Variants in USP40 observed in about 807,000 individuals in gnomAD.
The protein encoded by USP40 is ubiquitin carboxyl-terminal hydrolase 40.
Under a neutral mutation model 166.2 loss-of-function variants are expected in USP40, and 143 were observed. That is an observed-to-expected ratio of 0.86 (90% confidence interval 0.75 to 0.99). USP40 has a LOEUF of 0.99. Ranked by LOEUF, USP40 falls within the 50% of genes least tolerant of loss-of-function variation. USP40 has a pLI of 0.00. For synonymous variants in USP40, 498 were observed against 524.0 expected, an observed-to-expected ratio of 0.95 and a Z score of 0.68; for missense variants, 1,444 against 1,479.7, an observed-to-expected ratio of 0.98 and a Z score of 0.40.
intron 14 of USP40, 149 bp downstream of exon 14, chr2:233,525,329 C>A (rs1188707371): frequency 2.0e-6 from 1 of 490,722 alleles, no homozygotes; most frequent in Non-Finnish European, 3.6e-6. Context: ...TATTTTATTT[C>A]TTTTGGAAAA....
At chr2:233,518,566 CAA>C (rs61393952) in intron 18 of USP40, among the ~76,000 whole-genome samples, 63 of 77,818 alleles carry the variant, frequency 8.1e-4, no homozygotes, top group African/African-American at 1.3e-3. Flanking sequence ...GACTCTGTCT[CAA>C]AAAAAAAAAA....
chr2:233,542,318 C>T lies in USP40; in HGVS notation c.1012G>A (p.Glu338Lys). The T allele has an allele frequency of 3.2e-5, 50 of 1,561,250 alleles. No individual in the cohort carries two copies. The highest frequency in any genetic ancestry group is 4.3e-5 in the Non-Finnish European group (50 of 1,153,290). The stretch of plus-strand genomic sequence containing the variant: ...ATCAGTGGATGATCAATCTCTTCTT[C>T]ACTCTGGAGATCTTTCAGATTCACA... ...PDVNLKDLQS[E>K]EEIDHPLMIL... Residue 338 changes from glutamate (E) to lysine (K), a missense_variant, in exon 9 of 32, where the codon GAA (glutamate) becomes AAA (lysine). By Grantham distance (56) the Glu-to-Lys change is moderately conservative. Coordinates refer to ENST00000678225, the MANE Select transcript of USP40 (RefSeq NM_001365479.2).
intron 17 of USP40, 97 bp downstream of exon 17, chr2:233,520,894 T>C (rs2067604611): frequency 2.9e-6 from 4 of 1,364,808 alleles, no homozygotes; most frequent in Non-Finnish European, 3.9e-6. Flanking sequence ...CTGAAGTCTA[T>C]TGAGACAACT....
chr2:233,502,477 C>T (rs2066138456), intron 21 of USP40, among the ~76,000 whole-genome samples: 1 of 152,110 alleles, frequency 6.6e-6, no homozygotes, highest in Non-Finnish European at 1.5e-5. Context: ...CTTTGAGTGT[C>T]ATGTCAAAGG....
chr2:233,540,136 A>AC (rs1332409460), intron 10 of USP40, among the ~76,000 whole-genome samples: 1 of 151,646 alleles, frequency 6.6e-6, no homozygotes, highest in East Asian at 1.9e-4. Flanking sequence ...AAAAAAAAAA[A>AC]AAACAAAAAA....
chr2:233,529,596 T>C lies in USP40; in HGVS notation c.1472-84A>G. The C allele has an allele frequency of 7.5e-6, 7 of 929,592 alleles. 1 individual carries two copies. Among genetic ancestry groups the C allele is most frequent in the South Asian group, 5.0e-5 (3 of 60,592 alleles). 57.6% of individuals were successfully genotyped at this position (929,592 alleles called of 1,614,324 possible). A position where few individuals can be genotyped will look rare whatever the true frequency, so the allele number is the denominator to read the frequency against. On this transcript the variant is annotated intron_variant, in intron 11 of 31. Transcript: ENST00000678225. The stretch of plus-strand genomic sequence containing the variant: ...AGGTAGCATGAAGACTAGGAAGGAC[T>C]GTCCTAGGAGCTAGGAAAGCTGCTA...
intron 10 of USP40, among the ~76,000 whole-genome samples, chr2:233,539,522 C>T (rs1350275028): frequency 6.6e-6 from 1 of 151,842 alleles, no homozygotes; most frequent in East Asian, 1.9e-4. Context: ...CCAAAGAACT[C>T]AAGAGCCAAA....
rs765737578 is a variant in USP40, at chr2:233,523,480, C to T, written c.1891G>A (p.Val631Ile). 3.1e-6 allele frequency: 5 copies of T among 1,612,070 alleles called. No homozygotes were observed. The highest frequency in any genetic ancestry group is 4.2e-6 in the Non-Finnish European group (5 of 1,178,714). Residue 631 changes from valine (V) to isoleucine (I), a missense_variant, in exon 16 of 32, where the codon GTC (valine) becomes ATC (isoleucine). By Grantham distance (29) the Val-to-Ile change is conservative (BLOSUM62 3). Transcript: ENST00000678225. ...CAGTCAATACCAGTTTGAATGTGGA[C>T]TCCACCAACCTGCAATCATACCAAG... is the stretch of plus-strand genomic sequence containing the variant. Reference protein sequence around the residue: ...FVWNGVEVGGVHIQTGIDCEP... With the variant: ...FVWNGVEVGGIHIQTGIDCEP...
chr2:233,509,838 TAAAA>T (rs746629187), intron 21 of USP40, among the ~76,000 whole-genome samples: 4 of 80,824 alleles, frequency 4.9e-5, no homozygotes, highest in Non-Finnish European at 1.0e-4. Flanking sequence ...TGAGACTCTC[TAAAA>T]AAAAAAAAAA....
intron 30 of USP40, among the ~76,000 whole-genome samples, chr2:233,485,054 G>C (rs1199110358): frequency 6.6e-6 from 1 of 152,080 alleles, no homozygotes. Flanking sequence ...TCTATTCCTA[G>C]TTTGCTCTAA....
chr2:233,524,385 C>A, intron 15 of USP40, 107 bp downstream of exon 15: 1 of 903,186 alleles, frequency 1.1e-6, no homozygotes, highest in Admixed American at 2.8e-5. Flanking sequence ...CTGCCTCGCC[C>A]TCCCAAAGTG....
At chr2:233,517,337 GA>G (rs1225253843) in intron 18 of USP40, among the ~76,000 whole-genome samples, 1 of 148,516 alleles carries the variant, frequency 6.7e-6, no homozygotes, top group Admixed American at 6.7e-5. Flanking sequence ...CTACCCAGAA[GA>G]AAAGAAGTCA....
At chr2:233,542,183 GCATA>G (rs2069480149) in intron 9 of USP40, 81 bp downstream of exon 9, 3 of 625,902 alleles carry the variant, frequency 4.8e-6, no homozygotes, top group Non-Finnish European at 7.4e-6. Flanking sequence ...CAATTAAACC[GCATA>G]CATTCTTACA....
At chr2:233,479,408 C>T (rs1252051137) in intron 31 of USP40, among the ~76,000 whole-genome samples, 1 of 152,036 alleles carries the variant, frequency 6.6e-6, no homozygotes, top group Non-Finnish European at 1.5e-5. Flanking sequence ...ACTAAAAATA[C>T]AAAAATTAGC....
At chr2:233,552,097 T>C (rs971091747) in intron 6 of USP40, among the ~76,000 whole-genome samples, 5 of 151,984 alleles carry the variant, frequency 3.3e-5, no homozygotes, top group Admixed American at 2.0e-4. Context: ...GGATTATTGG[T>C]CTGTGAGGAG....
intron 2 of USP40, 36 bp from the exon 3 acceptor site, chr2:233,562,839 A>C: frequency 6.8e-7 from 1 of 1,462,430 alleles, no homozygotes; most frequent in Non-Finnish European, 9.1e-7. Flanking sequence ...TGCAAATGAC[A>C]TCATTTCATT....
At chr2:233,540,847 A>G (rs1041002097) in intron 9 of USP40, 78 bp from the exon 10 acceptor site, 14 of 964,810 alleles carry the variant, frequency 1.5e-5, no homozygotes, top group Non-Finnish European at 2.1e-5. Flanking sequence ...AGAGACCAAC[A>G]GGATTATACC....
At position 233,526,056 on chromosome 2, in the gene USP40, TTTAAG is replaced by T. The variant is rs751755468; in HGVS notation, c.1726-499_1726-495del. On this transcript the variant is annotated intron_variant, in intron 13 of 31. Transcript: ENST00000678225. ...TTAATAGATTACCATGGCTTTGCTC[TTTAAG>T]TTTCTAGATCTGAGAGTCTGAGCAC... 2.8e-4 allele frequency among the ~76,000 whole-genome samples: 42 copies of T among 152,204 alleles called. 1 individual carries two copies. Among genetic ancestry groups the T allele is most frequent in the Non-Finnish European group, 5.6e-4 (38 of 68,040 alleles).
chr2:233,491,098 A>G (rs2065307202), intron 26 of USP40, 69 bp downstream of exon 26: 6 of 1,086,324 alleles, frequency 5.5e-6, no homozygotes, highest in Non-Finnish European at 8.3e-6. Context: ...AGGAGATAGA[A>G]GAATATATTA....
Sources: gnomAD v4.1 joint callset for allele counts (sites outside exome capture counted in the v4.1 genomes callset) on GRCh38, gnomAD v4.1.1 for gene constraint, MANE v1.5 for transcripts, NCBI Gene and HGNC (gene_info 2026-07-23, HGNC 2026-07-21) for gene names.